The following CTIF variants were observed in gnomAD, a reference collection of about 807,000 sequenced individuals.
CTIF encodes CBP80/20-dependent translation initiation factor.
A neutral mutation model predicts 66.0 loss-of-function variants in CTIF; 21 were observed. The observed-to-expected ratio is 0.32, with a 90% confidence interval of 0.23 to 0.46. CTIF has a LOEUF of 0.46. Ranked by LOEUF, CTIF falls within the 20% of genes least tolerant of loss-of-function variation. CTIF has a pLI of 1.00. For missense variants in CTIF, 739 were observed against 812.7 expected, an observed-to-expected ratio of 0.91 and a Z score of 1.10; for synonymous variants, 345 against 326.4, an observed-to-expected ratio of 1.06 and a Z score of -0.62.
intron 10 of CTIF, among the ~76,000 whole-genome samples, chr18:48,848,286 AG>A (rs1317547770): frequency 6.6e-6 from 1 of 152,014 alleles, no homozygotes; most frequent in Non-Finnish European, 1.5e-5. Flanking sequence ...CCACCGGCCC[AG>A]CCAGCCAACC....
chr18:48,773,456 G>A (rs1164731420), intron 9 of CTIF, among the ~76,000 whole-genome samples: 3 of 152,236 alleles, frequency 2.0e-5, no homozygotes, highest in Non-Finnish European at 4.4e-5. Flanking sequence ...ACATGGAACT[G>A]TGGCATTTCC....
intron 1 of CTIF, among the ~76,000 whole-genome samples, chr18:48,580,347 C>G (rs2089627528): frequency 6.6e-6 from 1 of 152,198 alleles, no homozygotes; most frequent in Non-Finnish European, 1.5e-5. Flanking sequence ...GATAGTGTAG[C>G]CTCAGGGCCC....
chr18:48,827,793 A>G (rs577032865), intron 10 of CTIF, among the ~76,000 whole-genome samples: 3 of 152,214 alleles, frequency 2.0e-5, no homozygotes, highest in South Asian at 4.2e-4. Context: ...CTCCGCCGAA[A>G]TAACTTCCCA....
At chr18:48,803,284 A>G (rs2068081878) in intron 9 of CTIF, among the ~76,000 whole-genome samples, 1 of 152,144 alleles carries the variant, frequency 6.6e-6, no homozygotes, top group South Asian at 2.1e-4. Context: ...TGCTGGGGAG[A>G]AAGCATTTCC....
At chr18:48,772,240 G>A (rs1383911810) in intron 9 of CTIF, among the ~76,000 whole-genome samples, 1 of 152,212 alleles carries the variant, frequency 6.6e-6, no homozygotes, top group Admixed American at 6.5e-5. Flanking sequence ...GGAGGGAGTG[G>A]CCACAGAGGA....
intron 10 of CTIF, among the ~76,000 whole-genome samples, chr18:48,851,017 C>A (rs1159737166): frequency 2.0e-5 from 3 of 152,242 alleles, no homozygotes; most frequent in Non-Finnish European, 4.4e-5. Flanking sequence ...TGCAAGAGGG[C>A]CTCTCGCACA....
rs57247072 is a variant in CTIF, at chr18:48,836,446, T to G, written c.1527+19070T>G. ...CTAGGGGACCCCTCCACCACCCTGC[T>G]GCCCCCTAAGATGCGTATGGGGCAG... is the stretch of plus-strand genomic sequence containing the variant. On this transcript the variant is annotated intron_variant, in intron 10 of 11. Transcript: ENST00000256413. Among the ~76,000 whole-genome samples the G allele has an allele frequency of 4.1e-3, 623 of 152,242 alleles. 1 individual carries two copies. The highest frequency in any genetic ancestry group is 0.014 in the African/African-American group (590 of 41,546).
chr18:48,720,141 A>T (rs2092319252), intron 7 of CTIF, among the ~76,000 whole-genome samples: 1 of 152,182 alleles, frequency 6.6e-6, no homozygotes. Context: ...ATGAGAAGTG[A>T]CCGTACTTGC....
chr18:48,677,578 A>T (rs940257881), intron 6 of CTIF, among the ~76,000 whole-genome samples: 2 of 152,184 alleles, frequency 1.3e-5, no homozygotes, highest in Admixed American at 6.5e-5. Flanking sequence ...TGGAGCACGT[A>T]CTGTTATTGA....
intron 7 of CTIF, among the ~76,000 whole-genome samples, chr18:48,737,417 T>G (rs2092512600): frequency 1.3e-5 from 2 of 152,202 alleles, no homozygotes; most frequent in African/African-American, 4.8e-5. Context: ...AATAGCCTAT[T>G]CTCTTGCAAG....
At chr18:48,594,890 G>A (rs549534814) in intron 1 of CTIF, among the ~76,000 whole-genome samples, 1 of 152,226 alleles carries the variant, frequency 6.6e-6, no homozygotes, top group Non-Finnish European at 1.5e-5. Context: ...CTGGGGCCAG[G>A]CTGAGAGAGC....
chr18:48,569,054 C>T (rs1002735661), intron 1 of CTIF, among the ~76,000 whole-genome samples: 1 of 152,188 alleles, frequency 6.6e-6, no homozygotes, highest in African/African-American at 2.4e-5. Context: ...TCCTCTGGCT[C>T]TGTCTGTGTC....
At chr18:48,665,728 T>C (rs2091425746) in intron 5 of CTIF, among the ~76,000 whole-genome samples, 1 of 152,250 alleles carries the variant, frequency 6.6e-6, no homozygotes, top group Non-Finnish European at 1.5e-5. Flanking sequence ...AACAGTCATA[T>C]GTGACCTCTT....
At chr18:48,752,966 C>T (rs536437965) in intron 7 of CTIF, among the ~76,000 whole-genome samples, 11 of 152,292 alleles carry the variant, frequency 7.2e-5, no homozygotes, top group South Asian at 4.1e-4. Flanking sequence ...GTGTGTGTGG[C>T]GACTTTTGTT....
intron 9 of CTIF, among the ~76,000 whole-genome samples, chr18:48,781,120 CAA>C (rs901373173): frequency 5.1e-4 from 77 of 152,340 alleles, no homozygotes; most frequent in African/African-American, 1.8e-3. Context: ...GGTTTGCTTG[CAA>C]AAGTTTGTCC....
intron 10 of CTIF, among the ~76,000 whole-genome samples, chr18:48,830,638 G>A (rs2068671052): frequency 6.6e-6 from 1 of 152,174 alleles, no homozygotes; most frequent in Non-Finnish European, 1.5e-5. Context: ...GAAGAACACA[G>A]TAGAATAAGG....
chr18:48,723,939 C>A (rs2092363854), intron 7 of CTIF, among the ~76,000 whole-genome samples: 1 of 152,188 alleles, frequency 6.6e-6, no homozygotes, highest in East Asian at 1.9e-4. Flanking sequence ...AAGACACCAG[C>A]AAACAGAAAT....
At chr18:48,586,847 G>T (rs555620642) in intron 1 of CTIF, among the ~76,000 whole-genome samples, 1 of 152,192 alleles carries the variant, frequency 6.6e-6, no homozygotes, top group African/African-American at 2.4e-5. Context: ...CTCCAAAGCG[G>T]TATCAGGCCA....
At chr18:48,711,528 T>G in intron 6 of CTIF, 91 bp from the exon 7 acceptor site, 2 of 967,650 alleles carry the variant, frequency 2.1e-6, no homozygotes, top group South Asian at 2.9e-5. Context: ...TCTTTCTGTC[T>G]TAGATGCTGG....
Sources: allele counts gnomAD v4.1 joint callset (sites outside exome capture counted in the v4.1 genomes callset), GRCh38; gene constraint gnomAD v4.1.1; transcripts MANE v1.5; gene names NCBI Gene and HGNC (gene_info 2026-07-23, HGNC 2026-07-21).